Variants in CSN1S1 observed in about 807,000 individuals in gnomAD.
The protein encoded by CSN1S1 is casein alpha s1, also known as alpha-S1-casein.
In CSN1S1, 63 loss-of-function variants were observed where a neutral mutation model predicts 49.1. That is an observed-to-expected ratio of 1.28 (90% CI 1.05 to 1.58). CSN1S1 has a LOEUF of 1.58. Among genes scored for constraint, CSN1S1 ranks in the 40% most tolerant of loss-of-function variants. The probability of loss-of-function intolerance (pLI) is 0.00; values close to 1 mark genes in which losing one functional copy is unlikely to be tolerated. For missense variants in CSN1S1, 260 were observed against 224.7 expected (o/e 1.16, Z -1.01); for synonymous variants, 78 against 67.1 (o/e 1.16, Z -0.79).
chr4:69,936,360 G>T, intron 5 of CSN1S1, 96 bp from the exon 6 acceptor site: 4 of 929,234 alleles, frequency 4.3e-6, no homozygotes, highest in South Asian at 1.5e-5. Flanking sequence ...TTTTAAATTT[G>T]TATCAGCACG....
rs1226911841 is a variant in CSN1S1, at chr4:69,934,263, A to C, written c.84+19A>C. 1.9e-6 allele frequency: 3 copies of C among 1,608,406 alleles called. No individual in the cohort carries two copies. Among genetic ancestry groups the C allele is most frequent in the Non-Finnish European group, 1.7e-6 (2 of 1,176,326 alleles). ...CCTTCAGGTAAATATTCTATTCTGC[A>C]TTCCAAGAACTCACTCTAATTGTGA... On this transcript the variant is annotated intron_variant, in intron 3 of 15. Coordinates refer to ENST00000246891, the MANE Select transcript of CSN1S1 (RefSeq NM_001890.2).
rs1722923324 is a variant in CSN1S1 at position 69,940,030 on chromosome 4, C to G, written c.286C>G (p.Leu96Val). The G allele has an allele frequency of 7.1e-7, 1 of 1,402,438 alleles. No individual in the cohort carries two copies. The highest frequency in any genetic ancestry group is 1.4e-5 in the South Asian group (1 of 70,758). The allele number at this position is 1,402,438 out of a possible 1,614,324, so 86.9% of individuals were successfully genotyped here. Residue 96 changes from leucine (L) to valine (V), a missense_variant, in exon 11 of 16, where the codon CTC becomes GTC. Coordinates refer to ENST00000246891, the MANE Select transcript of CSN1S1 (RefSeq NM_001890.2). ...SISSSSEEMSLSKCAEQFCRL... is the reference protein window; with the variant it reads ...SISSSSEEMSVSKCAEQFCRL... Reference sequence around the variant, plus strand: ...TTTAATTTTTTTAAAGGAAATGTCTCTCAGTAAGTGTGCGGTAAGACATAT... The same window carrying G: ...TTTAATTTTTTTAAAGGAAATGTCTGTCAGTAAGTGTGCGGTAAGACATAT...
At position 69,942,536 on chromosome 4, in the gene CSN1S1, G is replaced by C. The variant is rs369965380; in HGVS notation, c.361G>C (p.Glu121Gln). The part of the protein sequence containing the change: ...QLQLQAAHAQ[E>Q]QIRRMNENSH... Reference sequence around the variant, plus strand: ...TTAGAATGTGTTTCCTTTTATGCAGGAGCAAATTCGCAGAATGAATGAAAA... The same window carrying C: ...TTAGAATGTGTTTCCTTTTATGCAGCAGCAAATTCGCAGAATGAATGAAAA... The change falls in exon 14 of 16, where the codon GAG becomes CAG. Residue 121 changes from glutamate (E) to glutamine (Q), a missense_variant and splice_region_variant. By Grantham distance (29) the Glu-to-Gln change is conservative. Coordinates refer to ENST00000246891, the MANE Select transcript of CSN1S1 (RefSeq NM_001890.2). 31 of 1,584,684 alleles carry C rather than the reference G, an allele frequency of 2.0e-5. No individual in the cohort carries two copies. In the African/African-American group the frequency reaches 4.0e-4, roughly 21 times the overall value.
intron 14 of CSN1S1, among the ~76,000 whole-genome samples, chr4:69,944,015 C>T (rs1249059787): frequency 1.3e-5 from 2 of 151,956 alleles, no homozygotes; most frequent in African/African-American, 4.8e-5. Flanking sequence ...GTCTCTCTCT[C>T]TCTCTCTCTC....
At position 69,937,821 on chromosome 4, in the gene CSN1S1, G is replaced by A. The variant is rs143397004; in HGVS notation, c.241G>A (p.Glu81Lys). 245 of 1,595,510 alleles carry A rather than the reference G, an allele frequency of 1.5e-4. 2 individuals carry two copies. The African/African-American group carries it at 3.1e-3, about 20-fold the overall frequency. Residue 81 changes from glutamate to lysine, a missense_variant and splice_region_variant, in exon 9 of 16, where the codon GAG (glutamate) becomes AAG (lysine). Transcript: ENST00000246891. ...STQNCVVAEP[E>K]KMESSISSSS... ...TAAGAACTGTGTTGTGGCAGAGCCTGAGGTAAGACCCATTCATTCTAGTGA... is the reference window on the plus strand; with the variant it reads ...TAAGAACTGTGTTGTGGCAGAGCCTAAGGTAAGACCCATTCATTCTAGTGA...
intron 14 of CSN1S1, among the ~76,000 whole-genome samples, chr4:69,944,339 T>G (rs2109730484): frequency 6.6e-6 from 1 of 152,098 alleles, no homozygotes; most frequent in South Asian, 2.1e-4. Flanking sequence ...GCCCCAAAAC[T>G]CTAGTGTTTG....
At chr4:69,934,103 C>G in intron 2 of CSN1S1, 109 bp from the exon 3 acceptor site, 1 of 721,744 alleles carries the variant, frequency 1.4e-6, no homozygotes, top group Non-Finnish European at 2.3e-6. Context: ...AAACACATAC[C>G]TTTTGAAAAT....
chr4:69,937,944 A>G (rs991295257), intron 9 of CSN1S1, 121 bp downstream of exon 9: 2 of 580,278 alleles, frequency 3.4e-6, no homozygotes, highest in Non-Finnish European at 5.6e-6. Context: ...GAATTTTAAA[A>G]TGTTAACATT....
chr4:69,944,487 T>C (rs1391114483), intron 14 of CSN1S1, among the ~76,000 whole-genome samples: 1 of 151,994 alleles, frequency 6.6e-6, no homozygotes. Flanking sequence ...TATATCTAAA[T>C]GGCAAAAATT....
In CSN1S1 at chr4:69,935,967, G is replaced by A. The variant is rs760247707; in HGVS notation, c.129+18G>A. On this transcript the variant is annotated intron_variant, in intron 5 of 15. Transcript: ENST00000246891. ...CAAGAGAGGTAAGAATGACTCCACA[G>A]AATTTACCGTGCAATTAACAAAGAG... 40 of 1,531,166 alleles carry A rather than the reference G, an allele frequency of 2.6e-5. No homozygotes were observed. Among genetic ancestry groups the A allele is most frequent in the Non-Finnish European group, 3.5e-5 (39 of 1,129,626 alleles). 94.8% of individuals were successfully genotyped at this position (1,531,166 alleles called of 1,614,324 possible). A position where few individuals can be genotyped will look rare whatever the true frequency, so the allele number is the denominator to read the frequency against.
At chr4:69,933,567 CCT>C (rs1722675797) in intron 2 of CSN1S1, among the ~76,000 whole-genome samples, 1 of 151,936 alleles carries the variant, frequency 6.6e-6, no homozygotes, top group Non-Finnish European at 1.5e-5. Context: ...GATAAAACTT[CCT>C]CAGGAATGAA....
At position 69,936,690 on chromosome 4, in the gene CSN1S1, C is replaced by G. The variant is rs1415836281; in HGVS notation, c.195+83C>G. The G allele has an allele frequency of 2.3e-6, 3 of 1,280,898 alleles. No individual in the cohort carries two copies. In the East Asian group the frequency reaches 7.6e-5, roughly 32 times the overall value. The allele number at this position is 1,280,898 out of a possible 1,614,324, so 79.3% of individuals were successfully genotyped here. A position where few individuals can be genotyped will look rare whatever the true frequency, so the allele number is the denominator to read the frequency against. ...AAAGTTTTCCTTTAGGAAAAAAAAG[C>G]ATTTTTCTATGGTTTTGTCCTTTCC... On this transcript the variant is annotated intron_variant, in intron 7 of 15. Transcript: ENST00000246891.
At chr4:69,935,800 T>G (rs1722759798) in intron 4 of CSN1S1, 126 bp from the exon 5 acceptor site, 1 of 687,544 alleles carries the variant, frequency 1.5e-6, no homozygotes, top group Non-Finnish European at 2.6e-6. Context: ...TGTGTCACAT[T>G]CTCTATAATT....
chr4:69,944,606 T>A (rs1723091866), intron 14 of CSN1S1, among the ~76,000 whole-genome samples: 1 of 152,016 alleles, frequency 6.6e-6, no homozygotes, highest in Non-Finnish European at 1.5e-5. Context: ...CAGTTTTAAA[T>A]AATGTCCTTA....
At chr4:69,934,565 G>A (rs1722709606) in intron 3 of CSN1S1, 125 bp from the exon 4 acceptor site, 2 of 790,882 alleles carry the variant, frequency 2.5e-6, no homozygotes, top group Non-Finnish European at 4.2e-6. Flanking sequence ...TTTACAGTTT[G>A]GTCTCATTTG....
At chr4:69,943,413 G>A (rs529408916) in intron 14 of CSN1S1, among the ~76,000 whole-genome samples, 3 of 151,988 alleles carry the variant, frequency 2.0e-5, no homozygotes, top group Non-Finnish European at 4.4e-5. Flanking sequence ...TCAAACTCCT[G>A]ACCTCAAGTG....
intron 2 of CSN1S1, 76 bp from the exon 3 acceptor site, chr4:69,934,136 T>C: frequency 2.6e-6 from 3 of 1,138,480 alleles, no homozygotes; most frequent in Non-Finnish European, 2.6e-6. Context: ...AATCATCGTA[T>C]TATATGTGTA....
chr4:69,944,917 A>G lies in CSN1S1; in HGVS notation c.470A>G (p.Gln157Arg), dbSNP rs759220514. ...YAVWYYPQIM[Q>R]YVPFPPFSDI... ...GTTTGGTACTATCCACAAATCATGCAGTATGTTCCTTTCCCACCGTTTTCC... is the reference window on the plus strand; with the variant it reads ...GTTTGGTACTATCCACAAATCATGCGGTATGTTCCTTTCCCACCGTTTTCC... The change falls in exon 15 of 16, where the codon CAG (glutamine) becomes CGG (arginine). Residue 157 changes from glutamine (Q) to arginine (R), a missense_variant. Coordinates refer to ENST00000246891, the MANE Select transcript of CSN1S1 (RefSeq NM_001890.2). 2.5e-6 allele frequency: 4 copies of G among 1,613,064 alleles called. No individual in the cohort carries two copies. The highest frequency in any genetic ancestry group is 3.4e-6 in the Non-Finnish European group (4 of 1,179,316).
intron 15 of CSN1S1, among the ~76,000 whole-genome samples, chr4:69,945,483 A>G (rs981211079): frequency 1.6e-4 from 24 of 152,148 alleles, no homozygotes; most frequent in South Asian, 1.2e-3. Flanking sequence ...CTTATTTATT[A>G]TAATCCTGAG....
Sources: allele counts gnomAD v4.1 joint callset (sites outside exome capture counted in the v4.1 genomes callset), GRCh38; gene constraint gnomAD v4.1.1; transcripts MANE v1.5; gene names NCBI Gene and HGNC (gene_info 2026-07-23, HGNC 2026-07-21).